PCDHA2: variants seen among roughly 807,000 people sequenced by gnomAD.
The protein encoded by PCDHA2 is protocadherin alpha-2.
In PCDHA2, 58 loss-of-function variants were observed where a neutral mutation model predicts 66.0. The observed-to-expected ratio is 0.88, with a 90% CI of 0.71 to 1.09. The LOEUF is 1.09. Ranked by LOEUF, PCDHA2 falls within the 50% of genes least tolerant of loss-of-function variation. PCDHA2 has a pLI of 0.00. For missense variants in PCDHA2, 1,267 were observed against 1,242.3 expected (o/e 1.02, Z -0.30); for synonymous variants, 634 against 554.0 (o/e 1.14, Z -2.03).
chr5:140,927,445 T>C (rs2084204838), intron 1 of PCDHA2: 1 of 1,613,580 alleles, frequency 6.2e-7, no homozygotes, highest in Non-Finnish European at 8.5e-7. Context: ...ATACCCGGAG[T>C]TGGTGTTGGA....
chr5:140,858,019 G>C (rs377389644), intron 1 of PCDHA2: 2 of 1,596,850 alleles, frequency 1.3e-6, no homozygotes, highest in Non-Finnish European at 1.7e-6. Flanking sequence ...GCGAGCCGTC[G>C]CTGACGGCCA....
At chr5:140,956,474 C>G (rs1585669580) in intron 1 of PCDHA2, among the ~76,000 whole-genome samples, 1 of 152,160 alleles carries the variant, frequency 6.6e-6, no homozygotes, top group East Asian at 1.9e-4. Flanking sequence ...ATATGTTGAA[C>G]CAGTCTTGCA....
chr5:140,838,373 C>T (rs1280236434), intron 1 of PCDHA2, among the ~76,000 whole-genome samples: 1 of 151,416 alleles, frequency 6.6e-6, no homozygotes, highest in South Asian at 2.1e-4. Context: ...ATCTGACTGC[C>T]TCAGCCTCCC....
chr5:140,795,124 C>T lies in PCDHA2; in HGVS notation c.160C>T (p.Leu54=), dbSNP rs1761919084. ...GGGCCGCATCGCGCAGGACCTGGGG[C>T]TGGAGCTGGAGGAGCTGGTGCCGCG... ...FVGRIAQDLG[L]ELEELVPRLF... Residue 54 remains leucine (L), a synonymous_variant, in exon 1 of 4, where the codon CTG becomes TTG. Coordinates refer to ENST00000526136, the MANE Select transcript of PCDHA2 (RefSeq NM_018905.3). 2 of 1,614,036 alleles carry T rather than the reference C, an allele frequency of 1.2e-6. No individual in the cohort carries two copies. Among genetic ancestry groups the T allele is most frequent in the East Asian group, 4.5e-5 (2 of 44,890 alleles).
chr5:140,901,712 GAT>G lies in PCDHA2; in HGVS notation c.2389-77236_2389-77235del, dbSNP rs1187367855. Among the ~76,000 whole-genome samples, 6 of 152,218 alleles carry G rather than the reference GAT, an allele frequency of 3.9e-5. No homozygotes were observed. In the East Asian group the frequency reaches 9.6e-4, roughly 24 times the overall value. ...TTTTGTAGTTCTATATACATTTTCA[GAT>G]TGTCTTTTCTATTTCTGTGAAGAAT... On this transcript the variant is annotated intron_variant, in intron 1 of 3. Coordinates refer to ENST00000526136, the MANE Select transcript of PCDHA2 (RefSeq NM_018905.3).
chr5:140,953,283 G>A (rs1377100708), intron 1 of PCDHA2, among the ~76,000 whole-genome samples: 5 of 152,132 alleles, frequency 3.3e-5, no homozygotes, highest in Non-Finnish European at 7.3e-5. Flanking sequence ...CTCTTTATAT[G>A]TGATTCAGGG....
chr5:140,976,887 C>T (rs933700917), intron 1 of PCDHA2, among the ~76,000 whole-genome samples: 2 of 152,150 alleles, frequency 1.3e-5, no homozygotes, highest in Non-Finnish European at 2.9e-5. Flanking sequence ...AATTAGGATA[C>T]ATGCAACAGT....
At chr5:140,964,840 C>G (rs1270845085) in intron 1 of PCDHA2, among the ~76,000 whole-genome samples, 1 of 152,152 alleles carries the variant, frequency 6.6e-6, no homozygotes, top group Non-Finnish European at 1.5e-5. Flanking sequence ...GCTTCCTACT[C>G]TGTACCCTTG....
Position 140,850,212 on chromosome 5 carries a change from A to C in PCDHA2, c.2388+52860A>C, listed in dbSNP as rs1411639882. 10 of 1,593,368 alleles carry C rather than the reference A, an allele frequency of 6.3e-6. No individual in the cohort carries two copies. Among genetic ancestry groups the C allele is most frequent in the Non-Finnish European group, 8.6e-6 (10 of 1,167,568 alleles). ...GCTGCTGACACCTCGGATGAGGGGC[A>C]CTGACGGCGCAGTGAGCGAGATGGT... On this transcript the variant is annotated intron_variant, in intron 1 of 3. Transcript: ENST00000526136.
chr5:141,009,878 A>G lies in PCDHA2; in HGVS notation c.2788A>G (p.Asn930Asp). Residue 930 changes from asparagine to aspartate, a missense_variant, in exon 4 of 4, where the codon AAC (asparagine) becomes GAC (aspartate). Coordinates refer to ENST00000526136, the MANE Select transcript of PCDHA2 (RefSeq NM_018905.3). ...TKKKKKKKKG[N>D]KTQEKKEKGN... ...GAAAAAGAAGAAAAAGAAGAAGGGT[A>G]ACAAGACCCAGGAGAAAAAAGAGAA... is the stretch of plus-strand genomic sequence containing the variant. 4 of 1,613,898 alleles carry G rather than the reference A, an allele frequency of 2.5e-6. No homozygotes were observed. Among genetic ancestry groups the G allele is most frequent in the South Asian group, 1.1e-5 (1 of 91,050 alleles).
At chr5:140,989,810 AT>A (rs2097361628) in intron 3 of PCDHA2, among the ~76,000 whole-genome samples, 1 of 152,192 alleles carries the variant, frequency 6.6e-6, no homozygotes, top group Non-Finnish European at 1.5e-5. Context: ...GGGCCATAAG[AT>A]TGGTCACTGC....
intron 1 of PCDHA2, among the ~76,000 whole-genome samples, chr5:140,921,816 G>A (rs2080411020): frequency 6.6e-6 from 1 of 151,846 alleles, no homozygotes; most frequent in Non-Finnish European, 1.5e-5. Context: ...ATACATGTGT[G>A]AATATCTATA....
At chr5:140,797,749 G>C (rs1762259161) in intron 1 of PCDHA2, among the ~76,000 whole-genome samples, 1 of 152,178 alleles carries the variant, frequency 6.6e-6, no homozygotes, top group Non-Finnish European at 1.5e-5. Flanking sequence ...TATCCAATCT[G>C]TCGGATAGTG....
chr5:140,883,207 G>T (rs781883209), intron 1 of PCDHA2: 12 of 1,613,794 alleles, frequency 7.4e-6, no homozygotes, highest in East Asian at 2.2e-5. Context: ...TCGAAGAAAA[G>T]AAATTATATG....
intron 1 of PCDHA2, chr5:140,810,988 A>G (rs1188660175): frequency 6.6e-6 from 1 of 152,160 alleles, no homozygotes; most frequent in Non-Finnish European, 1.5e-5. Flanking sequence ...GGTAGGGGTC[A>G]AGATTTATTT....
intron 1 of PCDHA2, among the ~76,000 whole-genome samples, chr5:140,821,215 G>A (rs1244036571): frequency 1.3e-5 from 2 of 152,084 alleles, no homozygotes; most frequent in African/African-American, 4.8e-5. Context: ...AATTAGATAT[G>A]TTTAAATAGA....
Position 140,843,785 on chromosome 5 carries a change from A to G in PCDHA2, c.2388+46433A>G. 2 of 1,419,854 alleles carry G rather than the reference A, an allele frequency of 1.4e-6. 1 individual carries two copies. Among genetic ancestry groups the G allele is most frequent in the South Asian group, 2.6e-5 (2 of 76,630 alleles). The allele number at this position is 1,419,854 out of a possible 1,614,324, so 88.0% of individuals were successfully genotyped here. ...ATTGTAGTTACTTTAAAAGTGTTTCAGATTTAGTTTTTCACCGTATTTTAT... is the reference window on the plus strand; with the variant it reads ...ATTGTAGTTACTTTAAAAGTGTTTCGGATTTAGTTTTTCACCGTATTTTAT... On this transcript the variant is annotated intron_variant, in intron 1 of 3. Coordinates refer to ENST00000526136, the MANE Select transcript of PCDHA2 (RefSeq NM_018905.3).
chr5:140,882,319 G>T, intron 1 of PCDHA2: 3 of 1,614,136 alleles, frequency 1.9e-6, no homozygotes, highest in Non-Finnish European at 2.5e-6. Flanking sequence ...TACTGCTCTG[G>T]CTTCTGATCC....
intron 1 of PCDHA2, among the ~76,000 whole-genome samples, chr5:140,970,553 C>T (rs1349644785): frequency 5.9e-5 from 9 of 152,122 alleles, no homozygotes; most frequent in South Asian, 2.1e-4. Flanking sequence ...GTTGTGTGTT[C>T]GTCTCCATAT....
Sources: allele counts gnomAD v4.1 joint callset (sites outside exome capture counted in the v4.1 genomes callset), GRCh38; gene constraint gnomAD v4.1.1; transcripts MANE v1.5; gene names NCBI Gene and HGNC (gene_info 2026-07-23, HGNC 2026-07-21).